The following P2RX3 variants were observed in gnomAD, a reference collection of about 807,000 sequenced individuals.
The protein encoded by P2RX3 is purinergic receptor P2X 3.
P2RX3 carries 41 observed loss-of-function variants against 51.5 expected under a neutral mutation model. That is an observed-to-expected ratio of 0.80 (90% confidence interval 0.62 to 1.03). P2RX3 has a LOEUF of 1.03. P2RX3 is among the 50% of genes least tolerant of loss of function. The probability of loss-of-function intolerance (pLI) is 0.00; values close to 1 mark genes in which losing one functional copy is unlikely to be tolerated. For missense variants in P2RX3, 459 were observed against 522.1 expected (o/e 0.88, Z 1.18); for synonymous variants, 185 against 191.6 (o/e 0.97, Z 0.29).
intron 8 of P2RX3, among the ~76,000 whole-genome samples, chr11:57,365,674 G>A (rs1856786781): frequency 6.6e-6 from 1 of 152,194 alleles, no homozygotes; most frequent in Non-Finnish European, 1.5e-5. Flanking sequence ...ACATGGAAAT[G>A]GACACCCTGA....
chr11:57,341,597 G>GA (rs1189957870), intron 1 of P2RX3, among the ~76,000 whole-genome samples: 1 of 152,096 alleles, frequency 6.6e-6, no homozygotes, highest in East Asian at 1.9e-4. Flanking sequence ...TGTGGAGTGG[G>GA]ACTTCCCGAG....
rs1367883492 is a variant in P2RX3 at position 57,357,668 on chromosome 11, T to A, written c.842+6770T>A. On this transcript the variant is annotated intron_variant, in intron 8 of 11. Transcript: ENST00000263314. ...CATTTTTAAAGATCAACAAGAAGCG[T>A]TTTTTTTAATGCCTGCCTTTGAGGT... 2.0e-5 allele frequency among the ~76,000 whole-genome samples: 3 copies of A among 151,842 alleles called. No individual in the cohort carries two copies. In the East Asian group the frequency reaches 5.8e-4, roughly 29 times the overall value.
intron 8 of P2RX3, among the ~76,000 whole-genome samples, chr11:57,351,657 A>G (rs1272617415): frequency 6.6e-6 from 1 of 152,160 alleles, no homozygotes; most frequent in Non-Finnish European, 1.5e-5. Flanking sequence ...CAATTAACCA[A>G]TGTGTGAAAA....
At position 57,369,357 on chromosome 11, in the gene P2RX3, C is replaced by A; in HGVS notation, c.1003-4C>A. Reference sequence around the variant, plus strand: ...CGGAGCCCGCCCTGCCTCTCCTCCTCCAGGGAACTGTTCTCTGTGACATCA... The same window carrying A: ...CGGAGCCCGCCCTGCCTCTCCTCCTACAGGGAACTGTTCTCTGTGACATCA... On this transcript the variant is annotated splice_region_variant and splice_polypyrimidine_tract_variant and intron_variant, in intron 10 of 11. Transcript: ENST00000263314. 6.2e-7 allele frequency: 1 copy of A among 1,609,144 alleles called. No individual in the cohort carries two copies. Among genetic ancestry groups the A allele is most frequent in the South Asian group, 1.1e-5 (1 of 90,066 alleles).
chr11:57,347,274 AG>A, intron 3 of P2RX3, 87 bp downstream of exon 3: 1 of 1,511,280 alleles, frequency 6.6e-7, no homozygotes, highest in Non-Finnish European at 9.1e-7. Flanking sequence ...GTATGAGCAG[AG>A]GCCCCAAGTC....
At chr11:57,340,558 A>C (rs1856320231) in intron 1 of P2RX3, 1 of 152,268 alleles carries the variant, frequency 6.6e-6, no homozygotes, top group Admixed American at 6.5e-5. Context: ...TAATTTAGCA[A>C]AAATGTACCA....
chr11:57,369,221 A>G (rs2134452756), intron 10 of P2RX3, 140 bp from the exon 11 acceptor site: 1 of 713,510 alleles, frequency 1.4e-6, no homozygotes, highest in Non-Finnish European at 2.4e-6. Context: ...CACTATCCCA[A>G]AAGTTTGTTG....
chr11:57,349,567 C>G (rs1856504916), intron 6 of P2RX3, among the ~76,000 whole-genome samples, 190 bp from the exon 7 acceptor site: 1 of 152,094 alleles, frequency 6.6e-6, no homozygotes, highest in Admixed American at 6.5e-5. Context: ...CACCCTGATA[C>G]ACAGGGAAGG....
intron 6 of P2RX3, 41 bp from the exon 7 acceptor site, chr11:57,349,716 C>CCATGAACCCTG (rs765190751): frequency 6.2e-7 from 1 of 1,613,114 alleles, no homozygotes; most frequent in Non-Finnish European, 8.5e-7. Flanking sequence ...GACGATCTTC[C>CCATGAACCCTG]CATGAACCCT....
At chr11:57,344,320 T>A (rs753494470) in intron 1 of P2RX3, among the ~76,000 whole-genome samples, 2 of 152,214 alleles carry the variant, frequency 1.3e-5, no homozygotes, top group Non-Finnish European at 2.9e-5. Context: ...ATATGATCAT[T>A]AGCATGACAT....
At chr11:57,369,640 G>A (rs1453041261) in intron 11 of P2RX3, among the ~76,000 whole-genome samples, 1 of 152,106 alleles carries the variant, frequency 6.6e-6, no homozygotes, top group East Asian at 1.9e-4. Flanking sequence ...GGTCATCTCT[G>A]TCATGGTCCC....
In P2RX3 at chr11:57,347,476, G is replaced by A. The variant is rs1421943075; in HGVS notation, c.389G>A (p.Gly130Glu). The A allele has an allele frequency of 3.2e-6, 5 of 1,555,572 alleles. No homozygotes were observed. Among genetic ancestry groups the A allele is most frequent in the Non-Finnish European group, 2.6e-6 (3 of 1,149,374 alleles). Residue 130 changes from glycine (G) to glutamate (E), a missense_variant and splice_region_variant, in exon 4 of 12, where the codon GGG (glycine) becomes GAG (glutamate). Physicochemically the swap from Gly to Glu is moderately conservative, Grantham distance 98 (BLOSUM62 -2). Transcript: ENST00000263314. ...TGCGGGCCTGAGCGCTTGCCAGGTGGGGGTGAGTCCAGCCCCTTACCCACC... is the reference window on the plus strand; with the variant it reads ...TGCGGGCCTGAGCGCTTGCCAGGTGAGGGTGAGTCCAGCCCCTTACCCACC... The part of the protein sequence containing the change: ...SQCGPERLPG[G>E]GILTGRCVNY...
In P2RX3 at chr11:57,338,804, G is replaced by A. The variant is rs1034628148; in HGVS notation, c.119+135G>A. 3.4e-5 allele frequency: 21 copies of A among 618,222 alleles called. No individual in the cohort carries two copies. In the East Asian group the frequency reaches 3.9e-4, roughly 11 times the overall value. 38.3% of individuals were successfully genotyped at this position (618,222 alleles called of 1,614,324 possible). A position where few individuals can be genotyped will look rare whatever the true frequency, so the allele number is the denominator to read the frequency against. Reference sequence around the variant, plus strand: ...GGGAAACAGTTTCTTCTGTGGAGCCGAGTCTTAAAGACTGGCCTCTGCCAC... The same window carrying A: ...GGGAAACAGTTTCTTCTGTGGAGCCAAGTCTTAAAGACTGGCCTCTGCCAC... On this transcript the variant is annotated intron_variant, in intron 1 of 11. Coordinates refer to ENST00000263314, the MANE Select transcript of P2RX3 (RefSeq NM_002559.5).
intron 1 of P2RX3, among the ~76,000 whole-genome samples, chr11:57,341,141 C>T (rs944589425): frequency 6.6e-6 from 1 of 152,002 alleles, no homozygotes; most frequent in African/African-American, 2.4e-5. Context: ...GAGACAGACA[C>T]GATGAGATCT....
intron 1 of P2RX3, chr11:57,340,762 C>A (rs1856324353): frequency 6.6e-6 from 1 of 152,228 alleles, no homozygotes; most frequent in African/African-American, 2.4e-5. Flanking sequence ...GGTGTTTGGC[C>A]CAGTCAGGGA....
intron 11 of P2RX3, 49 bp downstream of exon 11, chr11:57,369,487 C>A: frequency 6.5e-7 from 1 of 1,543,608 alleles, no homozygotes; most frequent in Non-Finnish European, 8.8e-7. Flanking sequence ...GGGGGCAGGG[C>A]AGGCAGGGGC....
At chr11:57,354,968 G>A (rs901676468) in intron 8 of P2RX3, among the ~76,000 whole-genome samples, 5 of 152,190 alleles carry the variant, frequency 3.3e-5, no homozygotes, top group African/African-American at 7.2e-5. Flanking sequence ...CTGAAGAGGC[G>A]AGGAGAGGAA....
intron 8 of P2RX3, among the ~76,000 whole-genome samples, chr11:57,352,030 GA>G (rs1226104847): frequency 1.3e-5 from 2 of 151,796 alleles, no homozygotes; most frequent in Non-Finnish European, 2.9e-5. Flanking sequence ...GTGACCAGGG[GA>G]AAAAAATACA....
intron 1 of P2RX3, among the ~76,000 whole-genome samples, chr11:57,344,330 T>C (rs567844602): frequency 1.4e-4 from 22 of 152,200 alleles, no homozygotes; most frequent in Non-Finnish European, 2.8e-4. Flanking sequence ...TAGCATGACA[T>C]AATCATTCCA....
Sources: allele counts gnomAD v4.1 joint callset (sites outside exome capture counted in the v4.1 genomes callset), GRCh38; gene constraint gnomAD v4.1.1; transcripts MANE v1.5; gene names NCBI Gene and HGNC (gene_info 2026-07-23, HGNC 2026-07-21).